The following SRGAP1 variants were observed in gnomAD, a reference collection of about 807,000 sequenced individuals.
SRGAP1 encodes SLIT-ROBO Rho GTPase activating protein 1.
A neutral mutation model predicts 121.9 loss-of-function variants in SRGAP1; 43 were observed. The observed-to-expected ratio is 0.35, with a 90% CI of 0.28 to 0.46. The LOEUF (loss-of-function observed/expected upper bound fraction) is 0.46. Ranked by LOEUF, SRGAP1 falls within the 20% of genes least tolerant of loss-of-function variation. The probability of loss-of-function intolerance (pLI) is 1.00; values close to 1 mark genes in which losing one functional copy is unlikely to be tolerated. For synonymous variants in SRGAP1, 447 were observed against 485.4 expected (o/e 0.92, Z 1.04); for missense variants, 1,102 against 1,350.9 (o/e 0.82, Z 2.89).
At chr12:63,904,056 A>G (rs1174954434) in intron 1 of SRGAP1, among the ~76,000 whole-genome samples, 1 of 152,158 alleles carries the variant, frequency 6.6e-6, no homozygotes, top group Non-Finnish European at 1.5e-5. Flanking sequence ...AATGTTATCA[A>G]TACTCCTAAA....
chr12:63,984,484 C>G (rs887322388), intron 2 of SRGAP1, among the ~76,000 whole-genome samples: 2 of 152,092 alleles, frequency 1.3e-5, no homozygotes, highest in Admixed American at 6.5e-5. Context: ...TTTGTTCAAG[C>G]AAAGACCTCA....
chr12:64,047,588 G>A (rs2035155325), intron 6 of SRGAP1, among the ~76,000 whole-genome samples: 1 of 152,102 alleles, frequency 6.6e-6, no homozygotes, highest in Non-Finnish European at 1.5e-5. Context: ...TAAATTCAAA[G>A]CATTATAAAG....
chr12:63,998,878 A>G (rs1413626185), intron 3 of SRGAP1, among the ~76,000 whole-genome samples: 1 of 152,162 alleles, frequency 6.6e-6, no homozygotes, highest in Non-Finnish European at 1.5e-5. Flanking sequence ...ATAAGTACTT[A>G]TTGAAGCTTT....
Position 63,919,521 on chromosome 12 carries a change from TAC to T in SRGAP1, c.68-64422_68-64421del, listed in dbSNP as rs150017834. ...TTACATATATATATATATATATATA[TAC>T]ACATACACACACACACAACTATGTT... On this transcript the variant is annotated intron_variant, in intron 1 of 21. Coordinates refer to ENST00000355086, the MANE Select transcript of SRGAP1 (RefSeq NM_020762.4). 7.4e-3 allele frequency among the ~76,000 whole-genome samples: 1,026 copies of T among 139,106 alleles called. 25 individuals carry two copies. The highest frequency in any genetic ancestry group is 0.026 in the African/African-American group (938 of 35,794). The allele number at this position is 139,106 out of a possible 152,430, so 91.3% of individuals were successfully genotyped here. A position where few individuals can be genotyped will look rare whatever the true frequency, so the allele number is the denominator to read the frequency against.
chr12:63,871,835 A>T (rs745783931), intron 1 of SRGAP1: 5 of 1,421,030 alleles, frequency 3.5e-6, no homozygotes, highest in Non-Finnish European at 5.0e-6. Flanking sequence ...ATCTGCAGTT[A>T]GGCTCAACAC....
intron 1 of SRGAP1, among the ~76,000 whole-genome samples, chr12:63,932,746 C>G (rs141509555): frequency 1.8e-3 from 280 of 152,340 alleles, no homozygotes; most frequent in African/African-American, 5.4e-3. Context: ...TGCACTTGCA[C>G]TGTGCTCTGT....
At chr12:63,969,972 A>C (rs1330940431) in intron 1 of SRGAP1, among the ~76,000 whole-genome samples, 1 of 151,908 alleles carries the variant, frequency 6.6e-6, no homozygotes, top group Non-Finnish European at 1.5e-5. Context: ...CTTTCCTCAC[A>C]TGTCCCTCCT....
intron 1 of SRGAP1, among the ~76,000 whole-genome samples, chr12:63,921,306 C>T (rs1009580941): frequency 5.3e-5 from 8 of 152,208 alleles, no homozygotes; most frequent in African/African-American, 1.4e-4. Flanking sequence ...AATCCATTGT[C>T]GACTCTGCAG....
chr12:63,883,727 C>CCACTCACT (rs1900272057), intron 1 of SRGAP1, among the ~76,000 whole-genome samples: 4 of 150,230 alleles, frequency 2.7e-5, no homozygotes, highest in Non-Finnish European at 5.9e-5. Flanking sequence ...GATGCAATCT[C>CCACTCACT]GGCTCACTGC....
At chr12:64,011,011 G>A (rs976215255) in intron 3 of SRGAP1, among the ~76,000 whole-genome samples, 2 of 151,898 alleles carry the variant, frequency 1.3e-5, no homozygotes, top group Non-Finnish European at 2.9e-5. Context: ...AGAGTTACAT[G>A]TAGGATTGTA....
chr12:64,010,037 G>A lies in SRGAP1; in HGVS notation c.427-6913G>A, dbSNP rs1349746530. 7.2e-5 allele frequency among the ~76,000 whole-genome samples: 11 copies of A among 152,114 alleles called. 1 individual carries two copies. The highest frequency in any genetic ancestry group is 7.2e-4 in the Admixed American group (11 of 15,278). Reference sequence around the variant, plus strand: ...ATGTATCATAGAGACACATGATCATGAGCTTTGGAAACTTAAAAGCACACA... The same window carrying A: ...ATGTATCATAGAGACACATGATCATAAGCTTTGGAAACTTAAAAGCACACA... On this transcript the variant is annotated intron_variant, in intron 3 of 21. Transcript: ENST00000355086.
chr12:64,083,103 G>C (rs1593111375), intron 10 of SRGAP1, among the ~76,000 whole-genome samples: 2 of 152,134 alleles, frequency 1.3e-5, no homozygotes, highest in South Asian at 4.1e-4. Context: ...ATGTTAATAG[G>C]CTACATCAAA....
intron 18 of SRGAP1, among the ~76,000 whole-genome samples, chr12:64,118,715 T>C (rs561188198): frequency 6.6e-6 from 1 of 151,290 alleles, no homozygotes; most frequent in South Asian, 2.1e-4. Context: ...GGTGCCTTAT[T>C]TATTTATTTA....
chr12:63,976,309 T>C (rs557493194), intron 1 of SRGAP1, among the ~76,000 whole-genome samples: 83 of 152,222 alleles, frequency 5.5e-4, no homozygotes, highest in Non-Finnish European at 8.1e-4. Flanking sequence ...TTTCGGCAAT[T>C]GAGAAGTACT....
chr12:63,879,702 C>G (rs576177916), intron 1 of SRGAP1, among the ~76,000 whole-genome samples: 3 of 152,242 alleles, frequency 2.0e-5, no homozygotes, highest in African/African-American at 7.2e-5. Context: ...ATATTAATTA[C>G]TCTTGGATAG....
At chr12:64,139,950 T>C (rs1349506407) in intron 21 of SRGAP1, among the ~76,000 whole-genome samples, 1 of 151,790 alleles carries the variant, frequency 6.6e-6, no homozygotes, top group Non-Finnish European at 1.5e-5. Context: ...AGTTTCAGCT[T>C]TCTCCATATG....
intron 3 of SRGAP1, among the ~76,000 whole-genome samples, chr12:64,005,491 T>TA (rs2034052289): frequency 6.6e-6 from 1 of 151,690 alleles, no homozygotes; most frequent in Non-Finnish European, 1.5e-5. Flanking sequence ...AAATAAAAAT[T>TA]AAAAAATAGC....
chr12:64,093,255 T>C (rs2036089250), intron 12 of SRGAP1, among the ~76,000 whole-genome samples: 1 of 152,156 alleles, frequency 6.6e-6, no homozygotes, highest in Non-Finnish European at 1.5e-5. Flanking sequence ...TAAAATTAAA[T>C]TAAATTAAAT....
At chr12:63,855,990 G>C (rs1899235469) in intron 1 of SRGAP1, among the ~76,000 whole-genome samples, 1 of 151,898 alleles carries the variant, frequency 6.6e-6, no homozygotes, top group Non-Finnish European at 1.5e-5. Flanking sequence ...GGGCTTGGTG[G>C]CTCATGCCTG....
Sources: gnomAD v4.1 joint callset for allele counts (sites outside exome capture counted in the v4.1 genomes callset) on GRCh38, gnomAD v4.1.1 for gene constraint, MANE v1.5 for transcripts, NCBI Gene and HGNC (gene_info 2026-07-23, HGNC 2026-07-21) for gene names.